Variants in LATS2 observed in about 807,000 individuals in gnomAD.
LATS2 encodes the protein large tumor suppressor kinase 2, also known as serine/threonine-protein kinase LATS2.
A neutral mutation model predicts 76.0 loss-of-function variants in LATS2; 24 were observed. The ratio of observed to expected loss-of-function variants is 0.32; its 90% CI spans 0.23 to 0.44. The LOEUF (loss-of-function observed/expected upper bound fraction) is 0.44, where lower values mean the gene tolerates loss of function less well. Ranked by LOEUF, LATS2 falls within the 20% of genes least tolerant of loss-of-function variation. The pLI is 1.00. For synonymous variants in LATS2, 692 were observed against 635.4 expected, an observed-to-expected ratio of 1.09 and a Z score of -1.34; for missense variants, 1,286 against 1,481.2, an observed-to-expected ratio of 0.87 and a Z score of 2.16.
chr13:21,003,494 G>A (rs550723952), intron 2 of LATS2, among the ~76,000 whole-genome samples: 69 of 151,118 alleles, frequency 4.6e-4, no homozygotes, highest in African/African-American at 1.6e-3. Flanking sequence ...AGGCTGGAGT[G>A]CAGTGACACA....
At chr13:21,046,462 T>C (rs951079684) in intron 1 of LATS2, among the ~76,000 whole-genome samples, 1 of 152,136 alleles carries the variant, frequency 6.6e-6, no homozygotes, top group Non-Finnish European at 1.5e-5. Flanking sequence ...ATAAAGTAAA[T>C]TGCTATAAAT....
intron 1 of LATS2, among the ~76,000 whole-genome samples, chr13:21,057,303 T>C (rs1265138582): frequency 6.6e-6 from 1 of 152,252 alleles, no homozygotes; most frequent in African/African-American, 2.4e-5. Context: ...TTCCCATGTA[T>C]GTCAAATATT....
intron 2 of LATS2, among the ~76,000 whole-genome samples, chr13:21,030,371 C>G (rs145737186): frequency 6.6e-6 from 1 of 151,502 alleles, no homozygotes; most frequent in East Asian, 2.0e-4. Flanking sequence ...GGGTGGATCA[C>G]GAGGTCAGGA....
intron 1 of LATS2, among the ~76,000 whole-genome samples, chr13:21,047,153 T>G (rs139916639): frequency 7.0e-4 from 106 of 152,328 alleles, no homozygotes; most frequent in Non-Finnish European, 1.2e-3. Context: ...TCTGCTGTTC[T>G]TTGATTCAGA....
chr13:20,975,571 CCAGT>C (rs1468582014), intron 7 of LATS2, among the ~76,000 whole-genome samples: 1 of 152,164 alleles, frequency 6.6e-6, no homozygotes, highest in Non-Finnish European at 1.5e-5. Context: ...GCCAGGATGA[CCAGT>C]CAAATACAGA....
intron 2 of LATS2, among the ~76,000 whole-genome samples, chr13:21,024,111 A>G (rs534618970): frequency 0.014 from 2,133 of 150,190 alleles, 17 homozygotes; most frequent in Middle Eastern, 0.034. Flanking sequence ...AAAAAAAAAA[A>G]AAAAGAAAAA....
intron 2 of LATS2, among the ~76,000 whole-genome samples, chr13:21,042,629 G>A (rs1053227015): frequency 5.9e-5 from 9 of 152,070 alleles, no homozygotes; most frequent in Non-Finnish European, 1.3e-4. Flanking sequence ...CGAGGCTGCA[G>A]TGAGCATTGA....
At chr13:21,036,791 AC>A in intron 2 of LATS2, among the ~76,000 whole-genome samples, 1 of 151,826 alleles carries the variant, frequency 6.6e-6, no homozygotes, top group Non-Finnish European at 1.5e-5. Flanking sequence ...AACAACAACA[AC>A]AAAAAACAAC....
intron 2 of LATS2, among the ~76,000 whole-genome samples, chr13:21,042,636 T>G (rs1296862854): frequency 6.6e-6 from 1 of 151,340 alleles, no homozygotes; most frequent in Non-Finnish European, 1.5e-5. Flanking sequence ...GCAGTGAGCA[T>G]TGACCTCACC....
At position 21,007,587 on chromosome 13, in the gene LATS2, A is replaced by ATAGT. The variant is rs1565951976; in HGVS notation, c.343-16184_343-16183insACTA. Among the ~76,000 whole-genome samples, 15 of 7,750 alleles carry ATAGT rather than the reference A, an allele frequency of 1.9e-3. 6 individuals carry two copies. The highest frequency in any genetic ancestry group is 0.016 in the African/African-American group (15 of 926). 5.1% of individuals were successfully genotyped at this position (7,750 alleles called of 152,430 possible). A position where few individuals can be genotyped will look rare whatever the true frequency, so the allele number is the denominator to read the frequency against. On this transcript the variant is annotated intron_variant, in intron 2 of 7. Coordinates refer to ENST00000382592, the MANE Select transcript of LATS2 (RefSeq NM_014572.3). ...TATATATATATATATATATATATAT[A>ATAGT]GTATATATATATATAGTGTGTATAT...
At chr13:21,004,770 GA>G (rs1428367207) in intron 2 of LATS2, among the ~76,000 whole-genome samples, 3 of 152,224 alleles carry the variant, frequency 2.0e-5, no homozygotes, top group African/African-American at 7.2e-5. Flanking sequence ...AGAGCTTCAT[GA>G]GGAAAGATTT....
In LATS2 at chr13:20,983,282, T is replaced by C; in HGVS notation, c.2424A>G (p.Thr808=). ...LIDLDGHIKL[T]DFGLCTGFRW... ...TGAACCCAGTGCAGAGGCCGAAATC[T>C]GTGAGTTTAATGTGACCATCCAGAT... The change falls in exon 5 of 8, where the codon ACA becomes ACG. Residue 808 remains threonine, a synonymous_variant. Transcript: ENST00000382592. 1 of 1,614,138 alleles carries C rather than the reference T, an allele frequency of 6.2e-7. No homozygotes were observed. The highest frequency in any genetic ancestry group is 8.5e-7 in the Non-Finnish European group (1 of 1,180,010).
intron 2 of LATS2, among the ~76,000 whole-genome samples, chr13:21,031,978 A>T (rs1872544087): frequency 6.6e-6 from 1 of 152,200 alleles, no homozygotes; most frequent in East Asian, 1.9e-4. Flanking sequence ...AAACTAACAA[A>T]ATTTGTCATT....
In LATS2 at chr13:20,976,173, AG is replaced by A. The variant is rs1228895980; in HGVS notation, c.2773-810del. Among the ~76,000 whole-genome samples, 10 of 152,318 alleles carry A rather than the reference AG, an allele frequency of 6.6e-5. No homozygotes were observed. The East Asian group carries it at 1.9e-3, about 29-fold the overall frequency. On this transcript the variant is annotated intron_variant, in intron 7 of 7. Coordinates refer to ENST00000382592, the MANE Select transcript of LATS2 (RefSeq NM_014572.3). ...TGTGTCTACTGTGAAGACAAAACCT[AG>A]GGGACTTCTTTATTGTTTACACTTA...
intron 2 of LATS2, among the ~76,000 whole-genome samples, chr13:21,025,545 C>A (rs1050796496): frequency 7.9e-5 from 12 of 152,210 alleles, no homozygotes; most frequent in Admixed American, 2.0e-4. Flanking sequence ...AATAACTCTA[C>A]CTTTTGGTGT....
chr13:21,019,639 A>C (rs1871964883), intron 2 of LATS2, among the ~76,000 whole-genome samples: 1 of 127,618 alleles, frequency 7.8e-6, no homozygotes, highest in Non-Finnish European at 1.6e-5. Context: ...CACCGCATCC[A>C]GCTGGATTTG....
intron 2 of LATS2, among the ~76,000 whole-genome samples, chr13:21,018,366 A>C (rs769180944): frequency 4.7e-5 from 7 of 150,222 alleles, no homozygotes; most frequent in Non-Finnish European, 8.8e-5. Context: ...GCTACTGTCC[A>C]TCTGGCAAGA....
intron 2 of LATS2, among the ~76,000 whole-genome samples, chr13:21,001,647 A>C (rs1297401562): frequency 1.3e-5 from 2 of 152,294 alleles, no homozygotes; most frequent in Non-Finnish European, 2.9e-5. Context: ...GGAATGAGCT[A>C]CATGGAACCC....
chr13:21,057,757 G>C (rs113801632), intron 1 of LATS2, among the ~76,000 whole-genome samples: 1,861 of 152,218 alleles, frequency 0.012, 37 homozygotes, highest in African/African-American at 0.042. Context: ...CCAAGATTGT[G>C]CCACTGCACT....
Sources: allele counts gnomAD v4.1 joint callset (sites outside exome capture counted in the v4.1 genomes callset), GRCh38; gene constraint gnomAD v4.1.1; transcripts MANE v1.5; gene names NCBI Gene and HGNC (gene_info 2026-07-23, HGNC 2026-07-21).